The following PIK3C2G variants were observed in gnomAD, a reference collection of about 807,000 sequenced individuals.
PIK3C2G encodes the protein phosphatidylinositol-4-phosphate 3-kinase catalytic subunit type 2 gamma.
In PIK3C2G, 168 loss-of-function variants were observed where a neutral mutation model predicts 181.1. The ratio of observed to expected loss-of-function variants is 0.93; its 90% CI spans 0.82 to 1.05. PIK3C2G has a LOEUF of 1.05. Among genes scored for constraint, PIK3C2G ranks in the 50% least tolerant of loss-of-function variants. The pLI is 0.00. For synonymous variants in PIK3C2G, 573 were observed against 592.2 expected, an observed-to-expected ratio of 0.97 and a Z score of 0.47; for missense variants, 1,869 against 1,732.8, an observed-to-expected ratio of 1.08 and a Z score of -1.40.
intron 13 of PIK3C2G, among the ~76,000 whole-genome samples, chr12:18,378,501 G>T (rs1942610872): frequency 6.6e-6 from 1 of 152,176 alleles, no homozygotes; most frequent in Admixed American, 6.5e-5. Flanking sequence ...GGCAACAAAA[G>T]CCAAAATTGA....
chr12:18,585,347 C>T (rs7306359), intron 29 of PIK3C2G, among the ~76,000 whole-genome samples: 32,935 of 150,928 alleles, frequency 0.22, 3,620 homozygotes, highest in African/African-American at 0.26. Flanking sequence ...GAAGAAAATC[C>T]ACCAAGCAAA....
At chr12:18,701,441 A>G in the PIK3C2G span, 3 of 1,607,480 alleles carry the variant, frequency 1.9e-6, no homozygotes, top group East Asian at 2.2e-5. Flanking sequence ...AAAAATCTCC[A>G]AGAATAAAAT....
At chr12:18,600,918 A>G (rs1048380534) in intron 30 of PIK3C2G, among the ~76,000 whole-genome samples, 7 of 152,150 alleles carry the variant, frequency 4.6e-5, no homozygotes, top group African/African-American at 1.7e-4. Flanking sequence ...ACACTTCCAG[A>G]GCAGAGAAAA....
chr12:18,591,472 G>A (rs1001229080), intron 29 of PIK3C2G, among the ~76,000 whole-genome samples: 5 of 151,934 alleles, frequency 3.3e-5, no homozygotes, highest in East Asian at 3.9e-4. Flanking sequence ...AAGAGAACAT[G>A]ACAAACCCTG....
chr12:18,258,486 ATTAAT>A (rs796262245), upstream of PIK3C2G, among the ~76,000 whole-genome samples: 12 of 152,042 alleles, frequency 7.9e-5, no homozygotes, highest in African/African-American at 2.7e-4. Context: ...CTCTGCTCCT[ATTAAT>A]TTAACTTTTT....
chr12:18,601,316 T>C (rs531446563), intron 30 of PIK3C2G, among the ~76,000 whole-genome samples: 1 of 151,148 alleles, frequency 6.6e-6, no homozygotes, highest in East Asian at 1.9e-4. Flanking sequence ...TCATTTGTGG[T>C]AACTTGGATG....
At chr12:18,378,825 C>T (rs1942638675) in intron 13 of PIK3C2G, among the ~76,000 whole-genome samples, 2 of 152,192 alleles carry the variant, frequency 1.3e-5, no homozygotes, top group African/African-American at 4.8e-5. Flanking sequence ...TACCATCTCA[C>T]ACCAGTTAGA....
At chr12:18,343,673 A>G (rs1227640109) in intron 10 of PIK3C2G, among the ~76,000 whole-genome samples, 1 of 152,130 alleles carries the variant, frequency 6.6e-6, no homozygotes, top group Non-Finnish European at 1.5e-5. Flanking sequence ...CCATTCCAAG[A>G]CATTGAAAAT....
intron 24 of PIK3C2G, among the ~76,000 whole-genome samples, chr12:18,532,885 T>G (rs1216937485): frequency 4.0e-5 from 2 of 50,600 alleles, no homozygotes; most frequent in East Asian, 2.8e-3. Flanking sequence ...AGTTTGCTGT[T>G]TTTTTTTTTT....
At chr12:18,375,397 A>G (rs183160485) in intron 13 of PIK3C2G, among the ~76,000 whole-genome samples, 1 of 152,254 alleles carries the variant, frequency 6.6e-6, no homozygotes, top group African/African-American at 2.4e-5. Flanking sequence ...AGAGTATCTG[A>G]CAAGAGAAAT....
chr12:18,599,434 T>C (rs941129414), intron 30 of PIK3C2G, among the ~76,000 whole-genome samples: 7 of 147,370 alleles, frequency 4.7e-5, no homozygotes, highest in African/African-American at 1.8e-4. Context: ...CACTCATAGG[T>C]GGGAATTGAA....
chr12:18,393,400 A>T (rs1943663696), intron 15 of PIK3C2G, among the ~76,000 whole-genome samples: 1 of 151,628 alleles, frequency 6.6e-6, no homozygotes, highest in Non-Finnish European at 1.5e-5. Flanking sequence ...TCCCAGTACC[A>T]CATTTTATCA....
intron 31 of PIK3C2G, among the ~76,000 whole-genome samples, chr12:18,628,501 A>G (rs192316204): frequency 4.6e-5 from 7 of 152,342 alleles, no homozygotes; most frequent in African/African-American, 1.7e-4. Flanking sequence ...AATCTGGGGC[A>G]AGAAACAAAG....
intron 5 of PIK3C2G, among the ~76,000 whole-genome samples, chr12:18,297,797 G>T (rs887670845): frequency 2.0e-5 from 3 of 151,778 alleles, no homozygotes; most frequent in Non-Finnish European, 4.4e-5. Flanking sequence ...ATTTTGGCTT[G>T]TTTTACTTAA....
chr12:18,449,027 T>C (rs1057209207), intron 18 of PIK3C2G, among the ~76,000 whole-genome samples: 1 of 152,060 alleles, frequency 6.6e-6, no homozygotes, highest in Non-Finnish European at 1.5e-5. Context: ...CTGGATCATA[T>C]GGTAGTTCTA....
At chr12:18,664,403 G>C in the PIK3C2G span, among the ~76,000 whole-genome samples, 1 of 152,200 alleles carries the variant, frequency 6.6e-6, no homozygotes, top group Non-Finnish European at 1.5e-5. Flanking sequence ...TAAGGAAACT[G>C]TAGTTTATAC....
intron 28 of PIK3C2G, among the ~76,000 whole-genome samples, chr12:18,564,001 A>G (rs1382067866): frequency 6.6e-6 from 1 of 150,808 alleles, no homozygotes; most frequent in Non-Finnish European, 1.5e-5. Flanking sequence ...AAAAATGTAA[A>G]TGTATTTATA....
At position 18,603,794 on chromosome 12, in the gene PIK3C2G, T is replaced by C. The variant is rs151209773; in HGVS notation, c.4088-5741T>C. Among the ~76,000 whole-genome samples, 880 of 152,268 alleles carry C rather than the reference T, an allele frequency of 5.8e-3. 1 individual carries two copies. The highest frequency in any genetic ancestry group is 0.01 in the Middle Eastern group (3 of 294). On this transcript the variant is annotated intron_variant, in intron 30 of 32. Coordinates refer to ENST00000538779, the MANE Select transcript of PIK3C2G (RefSeq NM_001288772.2). ...CTAAGCATCATTTATGAAGGAAAGATACAGTCTTTTTCAGACAAACAAATG... is the reference window on the plus strand; with the variant it reads ...CTAAGCATCATTTATGAAGGAAAGACACAGTCTTTTTCAGACAAACAAATG...
intron 18 of PIK3C2G, among the ~76,000 whole-genome samples, chr12:18,442,640 TTA>T (rs1565727946): frequency 6.6e-6 from 1 of 152,138 alleles, no homozygotes; most frequent in Non-Finnish European, 1.5e-5. Flanking sequence ...AGTAGCCATA[TTA>T]TGTTTCTAAA....
Sources: gnomAD v4.1 joint callset for allele counts (sites outside exome capture counted in the v4.1 genomes callset) on GRCh38, gnomAD v4.1.1 for gene constraint, MANE v1.5 for transcripts, NCBI Gene and HGNC (gene_info 2026-07-23, HGNC 2026-07-21) for gene names.